PLEKHH1: variants seen among roughly 807,000 people sequenced by gnomAD.
PLEKHH1 encodes the protein pleckstrin homology domain-containing family H member 1.
PLEKHH1 carries 104 observed loss-of-function variants against 160.0 expected under a neutral mutation model. The ratio of observed to expected loss-of-function variants is 0.65; its 90% CI spans 0.55 to 0.76. PLEKHH1 has a LOEUF of 0.76. Ranked by LOEUF, PLEKHH1 falls within the 30% of genes least tolerant of loss-of-function variation. PLEKHH1 has a pLI of 0.00. For synonymous variants in PLEKHH1, 619 were observed against 678.4 expected (o/e 0.91, Z 1.36); for missense variants, 1,427 against 1,724.1 (o/e 0.83, Z 3.05).
chr14:67,588,863 C>T lies in PLEKHH1; in HGVS notation c.*1628C>T, dbSNP rs893276724. 1 of 152,622 alleles carries T rather than the reference C, an allele frequency of 6.6e-6. No homozygotes were observed. The highest frequency in any genetic ancestry group is 1.5e-5 in the Non-Finnish European group (1 of 68,028). The allele number at this position is 152,622 out of a possible 1,614,324, so 9.5% of individuals were successfully genotyped here. ...GCTGTAAGCTTCTCCTCTCTCACCC[C>T]GTAAACTGACAAGCATGATGAAAAA... On this transcript the variant is annotated 3_prime_UTR_variant, in exon 29 of 29. Coordinates refer to ENST00000329153, the MANE Select transcript of PLEKHH1 (RefSeq NM_020715.3).
chr14:67,560,611 C>T (rs1405112966), intron 5 of PLEKHH1, among the ~76,000 whole-genome samples: 1 of 152,096 alleles, frequency 6.6e-6, no homozygotes, highest in Non-Finnish European at 1.5e-5. Context: ...CGTGCTGTAC[C>T]TTTATTTAGG....
At chr14:67,572,408 G>C in intron 11 of PLEKHH1, 131 bp downstream of exon 11, 1 of 610,174 alleles carries the variant, frequency 1.6e-6, no homozygotes, top group Non-Finnish European at 2.7e-6. Context: ...GGGGGCAGGG[G>C]GCGTGGGCTG....
rs114734711 is a variant in PLEKHH1 at position 67,574,670 on chromosome 14, C to T, written c.2088+267C>T. 1.9e-3 allele frequency among the ~76,000 whole-genome samples: 283 copies of T among 152,216 alleles called. 1 individual carries two copies. Among genetic ancestry groups the T allele is most frequent in the African/African-American group, 6.5e-3 (271 of 41,524 alleles). On this transcript the variant is annotated intron_variant, in intron 14 of 28. Transcript: ENST00000329153. The surrounding 1 kb of genome is among the most constrained non-coding windows in gnomAD (Gnocchi z 4.2). ...GACTATCTTGTATCCATTTTGAGGT[C>T]ATTAGGGGCTGTCACCCACCCCCAC... is the stretch of plus-strand genomic sequence containing the variant.
At chr14:67,570,464 A>G (rs1344353448) in intron 9 of PLEKHH1, 1 of 189,604 alleles carries the variant, frequency 5.3e-6, no homozygotes, top group Non-Finnish European at 9.8e-6. Context: ...AATACTTGAT[A>G]AAATTTTTTA....
chr14:67,564,020 G>T (rs1333887973), intron 7 of PLEKHH1, among the ~76,000 whole-genome samples: 1 of 151,750 alleles, frequency 6.6e-6, no homozygotes, highest in Admixed American at 6.6e-5. Flanking sequence ...TCCTGCCTCA[G>T]CCTCCCAAGT....
chr14:67,572,345 A>C, intron 11 of PLEKHH1, 68 bp downstream of exon 11: 1 of 1,442,084 alleles, frequency 6.9e-7, no homozygotes, highest in Non-Finnish European at 9.3e-7. Flanking sequence ...GGCCCTCAGC[A>C]CAAGACATAG....
Position 67,575,852 on chromosome 14 carries a change from T to G in PLEKHH1, c.2199T>G (p.Asp733Glu). The change falls in exon 16 of 29, where the codon GAT becomes GAG. Residue 733 changes from aspartate to glutamate, a missense_variant. Coordinates refer to ENST00000329153, the MANE Select transcript of PLEKHH1 (RefSeq NM_020715.3). Reference sequence around the variant, plus strand: ...CCCTGGGCTGCCTGCCTGTGCGGGATGCGCACATAGAGGAAGTAGATCGAT... The same window carrying G: ...CCCTGGGCTGCCTGCCTGTGCGGGAGGCGCACATAGAGGAAGTAGATCGAT... ...KRPLGCLPVR[D>E]AHIEEVDRSC... 1 of 1,613,886 alleles carries G rather than the reference T, an allele frequency of 6.2e-7. No individual in the cohort carries two copies. The highest frequency in any genetic ancestry group is 8.5e-7 in the Non-Finnish European group (1 of 1,179,812).
chr14:67,577,926 C>G lies in PLEKHH1; in HGVS notation c.2575-97C>G, dbSNP rs1330815276. ...TCTTAGAAAGGGCTGTCAGTAAACT[C>G]TAACCTCCCTGGAGCCCTTGGAAAA... On this transcript the variant is annotated intron_variant, in intron 18 of 28. Coordinates refer to ENST00000329153, the MANE Select transcript of PLEKHH1 (RefSeq NM_020715.3). 3.5e-6 allele frequency: 4 copies of G among 1,143,396 alleles called. No homozygotes were observed. The East Asian group carries it at 9.5e-5, about 27-fold the overall frequency. 70.8% of individuals were successfully genotyped at this position (1,143,396 alleles called of 1,614,324 possible). A position where few individuals can be genotyped will look rare whatever the true frequency, so the allele number is the denominator to read the frequency against.
In PLEKHH1 at chr14:67,541,990, CA is replaced by C; in HGVS notation, c.125del (p.Lys42ArgfsTer30). On this transcript the variant is annotated frameshift_variant and splice_region_variant, in exon 2 of 29. Coordinates refer to ENST00000329153, the MANE Select transcript of PLEKHH1 (RefSeq NM_020715.3). LOFTEE classifies it high-confidence loss of function. ...GCAAGATAAGGGAGCTGCTGGCTGA[CA>C]AGGTGAGTCCCTCAGAGCAGGGAGC... ...ASKIRELLAD[K>X]MQELEQRLLE... 1 of 1,603,904 alleles carries C rather than the reference CA, an allele frequency of 6.2e-7. No homozygotes were observed. The highest frequency in any genetic ancestry group is 1.3e-5 in the African/African-American group (1 of 74,722).
intron 1 of PLEKHH1, among the ~76,000 whole-genome samples, chr14:67,534,321 G>A (rs987666357): frequency 1.3e-5 from 2 of 152,164 alleles, no homozygotes; most frequent in Non-Finnish European, 2.9e-5. Context: ...GCTTATGCCT[G>A]TAATCCCAGC....
Position 67,578,141 on chromosome 14 carries a change from A to G in PLEKHH1, c.2693A>G (p.Tyr898Cys). The change falls in exon 19 of 29, where the codon TAC becomes TGC. Residue 898 changes from tyrosine to cysteine, a missense_variant. Physicochemically the swap from Tyr to Cys is radical, Grantham distance 194. This residue lies in a region of PLEKHH1 where 436 missense variants were observed against 607.5 expected (regional missense o/e 0.72). Coordinates refer to ENST00000329153, the MANE Select transcript of PLEKHH1 (RefSeq NM_020715.3). The surrounding 1 kb of genome is among the most constrained non-coding windows in gnomAD (Gnocchi z 5.0). ...CACCCCGAGCTGCAGAGTGAGATCTACTGCCAACTCATGAAGCAGACCAGC... is the reference window on the plus strand; with the variant it reads ...CACCCCGAGCTGCAGAGTGAGATCTGCTGCCAACTCATGAAGCAGACCAGC... ...LVHPELQSEIYCQLMKQTSCR... is the reference protein window; with the variant it reads ...LVHPELQSEICCQLMKQTSCR... 1 of 1,613,900 alleles carries G rather than the reference A, an allele frequency of 6.2e-7. No individual in the cohort carries two copies. Among genetic ancestry groups the G allele is most frequent in the Non-Finnish European group, 8.5e-7 (1 of 1,179,848 alleles).
At chr14:67,569,252 C>T (rs1035033902) in intron 8 of PLEKHH1, 36 bp downstream of exon 8, 3 of 1,494,204 alleles carry the variant, frequency 2.0e-6, no homozygotes, top group Non-Finnish European at 1.9e-6. Flanking sequence ...CACCAAACAC[C>T]CAAGGTGGGC....
rs1371382053 is a variant in PLEKHH1, at chr14:67,574,611, T to G, written c.2088+208T>G. ...TTCCCCGGAAACAAATCAGGGTTGT[T>G]GGAACAACTATTCTCAAGAAAGAGA... On this transcript the variant is annotated intron_variant, in intron 14 of 28. Coordinates refer to ENST00000329153, the MANE Select transcript of PLEKHH1 (RefSeq NM_020715.3). The surrounding 1 kb of genome is among the most constrained non-coding windows in gnomAD (Gnocchi z 4.2). Among the ~76,000 whole-genome samples, 1 of 152,176 alleles carries G rather than the reference T, an allele frequency of 6.6e-6. No individual in the cohort carries two copies. Among genetic ancestry groups the G allele is most frequent in the African/African-American group, 2.4e-5 (1 of 41,430 alleles).
Position 67,578,025 on chromosome 14 carries a change from C to T in PLEKHH1, c.2577C>T (p.Ser859=). Residue 859 remains serine, a splice_region_variant and synonymous_variant, in exon 19 of 29, where the codon TCC becomes TCT. Transcript: ENST00000329153. The surrounding 1 kb of genome is among the most constrained non-coding windows in gnomAD (Gnocchi z 5.0). ...LQTEALKLFK[S]CQLFINVPVE... is the part of the protein sequence containing the mutation. ...TGCTCACTGCTGTTCCCTCCCAGTC[C>T]TGCCAGCTCTTCATCAACGTGCCGG... 3 of 1,613,114 alleles carry T rather than the reference C, an allele frequency of 1.9e-6. No individual in the cohort carries two copies. The highest frequency in any genetic ancestry group is 2.5e-6 in the Non-Finnish European group (3 of 1,179,498).
chr14:67,572,404 A>C, intron 11 of PLEKHH1, 127 bp downstream of exon 11: 1 of 118,878 alleles, frequency 8.4e-6, no homozygotes, highest in Non-Finnish European at 1.6e-5. Context: ...GGATGGGGGC[A>C]GGGGGCGTGG....
At chr14:67,560,130 G>A (rs545979718) in intron 5 of PLEKHH1, among the ~76,000 whole-genome samples, 6 of 152,204 alleles carry the variant, frequency 3.9e-5, no homozygotes, top group East Asian at 1.9e-4. Flanking sequence ...GGGTTCAACC[G>A]ATTCTCGTGC....
Position 67,582,264 on chromosome 14 carries a change from C to T in PLEKHH1, c.3426+54C>T, listed in dbSNP as rs192714637. The stretch of plus-strand genomic sequence containing the variant: ...TCGGGTTGCCAGCTTAGAATGAATG[C>T]ACCATGCAGCCTGAAACACAGGAGA... On this transcript the variant is annotated intron_variant, in intron 24 of 28. Transcript: ENST00000329153. This position sits in a 1 kb window ranked among gnomAD's most constrained non-coding sequence, Gnocchi z 5.0. The T allele has an allele frequency of 8.0e-5, 129 of 1,611,250 alleles. No individual in the cohort carries two copies. The highest frequency in any genetic ancestry group is 9.9e-5 in the Non-Finnish European group (117 of 1,179,304).
chr14:67,548,807 A>G (rs2034280213), intron 2 of PLEKHH1, among the ~76,000 whole-genome samples: 1 of 152,226 alleles, frequency 6.6e-6, no homozygotes, highest in Non-Finnish European at 1.5e-5. Flanking sequence ...AACCATGTGT[A>G]CTTTCGCTCT....
At chr14:67,579,696 G>A in intron 21 of PLEKHH1, 25 bp from the exon 22 acceptor site, 1 of 1,608,290 alleles carries the variant, frequency 6.2e-7, no homozygotes, top group Non-Finnish European at 8.5e-7. Context: ...GTTCACTCAG[G>A]GTTGGAACTC....
Sources: allele counts gnomAD v4.1 joint callset (sites outside exome capture counted in the v4.1 genomes callset), GRCh38; gene constraint gnomAD v4.1.1; regional missense constraint gnomAD v4.1.1; non-coding constraint Gnocchi (gnomAD v3.1); transcripts MANE v1.5; gene names NCBI Gene and HGNC (gene_info 2026-07-23, HGNC 2026-07-21).